CSMD1: variants seen among roughly 807,000 people sequenced by gnomAD.
CSMD1 encodes CUB and sushi domain-containing protein 1.
Under a neutral mutation model 417.5 loss-of-function variants are expected in CSMD1, and 213 were observed. The observed-to-expected ratio is 0.51, with a 90% CI of 0.46 to 0.57. The LOEUF (loss-of-function observed/expected upper bound fraction) is 0.57. CSMD1 is among the 20% of genes least tolerant of loss of function. The pLI, the probability that CSMD1 is intolerant of heterozygous loss-of-function variation, is 0.00. For synonymous variants in CSMD1, 2,862 were observed against 1,736.8 expected (o/e 1.65, Z -16.11); for missense variants, 6,923 against 4,529.7 (o/e 1.53, Z -15.17).
intron 50 of CSMD1, among the ~76,000 whole-genome samples, chr8:3,043,952 T>C (rs1811275111): frequency 6.6e-6 from 1 of 152,128 alleles, no homozygotes; most frequent in African/African-American, 2.4e-5. Flanking sequence ...TGTCTCCACA[T>C]ATTGGAAAGA....
chr8:4,297,673 G>A (rs1016282050), intron 3 of CSMD1, among the ~76,000 whole-genome samples: 9 of 152,116 alleles, frequency 5.9e-5, no homozygotes, highest in African/African-American at 1.9e-4. Flanking sequence ...ACTACTTTCT[G>A]CTACTGTTTT....
At chr8:3,010,370 G>A (rs1808290699) in intron 52 of CSMD1, among the ~76,000 whole-genome samples, 1 of 152,164 alleles carries the variant, frequency 6.6e-6, no homozygotes, top group African/African-American at 2.4e-5. Flanking sequence ...CCTTGTGCAT[G>A]TGCATCAGGA....
intron 3 of CSMD1, among the ~76,000 whole-genome samples, chr8:4,167,500 A>G (rs1000455293): frequency 2.6e-5 from 4 of 152,092 alleles, no homozygotes; most frequent in African/African-American, 9.7e-5. Context: ...AACCTATAAC[A>G]TTTTCTAAAA....
intron 5 of CSMD1, among the ~76,000 whole-genome samples, chr8:3,772,354 T>TTTATATATACATATGTACATATAA (rs1563064021): frequency 7.2e-5 from 10 of 139,456 alleles, no homozygotes; most frequent in South Asian, 2.2e-4. Context: ...TATACATATA[T>TTTATATATACATATGTACATATAA]TTATATATAC....
intron 2 of CSMD1, among the ~76,000 whole-genome samples, chr8:4,565,741 AATATATACATAT>A (rs1427551398): frequency 1.8e-5 from 2 of 112,482 alleles, no homozygotes; most frequent in Non-Finnish European, 3.5e-5. Flanking sequence ...CCTTAAAAAA[AATATATACATAT>A]ATATATATAT....
chr8:4,559,388 T>C (rs1236747775), intron 2 of CSMD1, among the ~76,000 whole-genome samples: 1 of 152,182 alleles, frequency 6.6e-6, no homozygotes. Flanking sequence ...AATCTTCATA[T>C]ACTATTTCAC....
intron 10 of CSMD1, among the ~76,000 whole-genome samples, chr8:3,563,315 A>C (rs1799552750): frequency 6.6e-6 from 1 of 151,978 alleles, no homozygotes; most frequent in South Asian, 2.1e-4. Flanking sequence ...ACAATTGCTG[A>C]ATATAAAAGG....
intron 18 of CSMD1, among the ~76,000 whole-genome samples, chr8:3,377,622 T>C (rs757417753): frequency 1.3e-5 from 2 of 152,148 alleles, no homozygotes; most frequent in Non-Finnish European, 2.9e-5. Context: ...TCAGTTTCCA[T>C]TAAACCTACT....
At chr8:2,980,239 T>A (rs1443125828) in intron 54 of CSMD1, among the ~76,000 whole-genome samples, 1 of 152,052 alleles carries the variant, frequency 6.6e-6, no homozygotes, top group Non-Finnish European at 1.5e-5. Flanking sequence ...ACTTTGACCA[T>A]CTCCCACTAA....
chr8:4,794,620 T>A (rs988570636), intron 1 of CSMD1, among the ~76,000 whole-genome samples: 2 of 152,128 alleles, frequency 1.3e-5, no homozygotes, highest in Non-Finnish European at 2.9e-5. Flanking sequence ...AAGGCTGATG[T>A]GCTCCATAGT....
Position 4,212,518 on chromosome 8 carries a change from A to G in CSMD1, c.416-180419T>C, listed in dbSNP as rs529264778. Among the ~76,000 whole-genome samples the G allele has an allele frequency of 2.0e-5, 3 of 152,214 alleles. No homozygotes were observed. In the East Asian group the frequency reaches 5.8e-4, roughly 29 times the overall value. ...ATCCTAAAGCTTATTTAGATTAGAC[A>G]TTATAAAATTTTGAAATTTGTAGCC... On this transcript the variant is annotated intron_variant, in intron 3 of 69. Coordinates refer to ENST00000635120, the MANE Select transcript of CSMD1 (RefSeq NM_033225.6).
chr8:3,447,425 GA>G (rs1418751553), intron 12 of CSMD1, among the ~76,000 whole-genome samples: 2 of 152,172 alleles, frequency 1.3e-5, no homozygotes, highest in Non-Finnish European at 2.9e-5. Context: ...ACCACTTTAG[GA>G]GGTATTTTTA....
At chr8:4,308,519 C>T (rs963361657) in intron 3 of CSMD1, among the ~76,000 whole-genome samples, 1 of 152,170 alleles carries the variant, frequency 6.6e-6, no homozygotes, top group African/African-American at 2.4e-5. Flanking sequence ...ACTTCAGAGA[C>T]CCTGCTGTGT....
chr8:4,974,477 A>T (rs777191650), intron 1 of CSMD1, among the ~76,000 whole-genome samples: 4 of 151,232 alleles, frequency 2.6e-5, no homozygotes, highest in Non-Finnish European at 4.4e-5. Flanking sequence ...ATAAATCACT[A>T]CATGTTGATG....
chr8:4,214,785 A>T (rs1800533856), intron 3 of CSMD1, among the ~76,000 whole-genome samples: 1 of 152,214 alleles, frequency 6.6e-6, no homozygotes, highest in South Asian at 2.1e-4. Flanking sequence ...GCACATTTCA[A>T]ATGTAGTATA....
intron 26 of CSMD1, among the ~76,000 whole-genome samples, chr8:3,231,342 GT>G (rs944426527): frequency 6.6e-6 from 1 of 151,756 alleles, no homozygotes; most frequent in African/African-American, 2.4e-5. Flanking sequence ...GTACTTCACT[GT>G]TTTCAACACC....
chr8:3,667,247 T>C (rs1310895741), intron 7 of CSMD1, among the ~76,000 whole-genome samples: 1 of 152,176 alleles, frequency 6.6e-6, no homozygotes, highest in East Asian at 1.9e-4. Flanking sequence ...ATTATATTAA[T>C]ATATATTAAT....
intron 1 of CSMD1, among the ~76,000 whole-genome samples, chr8:4,781,385 T>A (rs781282708): frequency 2.0e-5 from 3 of 152,234 alleles, no homozygotes; most frequent in Non-Finnish European, 4.4e-5. Flanking sequence ...TTCTCTATAG[T>A]CATTTATCTT....
intron 5 of CSMD1, among the ~76,000 whole-genome samples, chr8:3,900,746 G>A (rs537616438): frequency 3.0e-4 from 45 of 151,726 alleles, no homozygotes; most frequent in Admixed American, 4.6e-4. Context: ...AGCTGCCACC[G>A]CAACTGGGTG....
Sources: allele counts gnomAD v4.1 joint callset (sites outside exome capture counted in the v4.1 genomes callset), GRCh38; gene constraint gnomAD v4.1.1; transcripts MANE v1.5; gene names NCBI Gene and HGNC (gene_info 2026-07-23, HGNC 2026-07-21).